GPR89B: variants seen among roughly 807,000 people sequenced by gnomAD.
The protein encoded by GPR89B is golgi pH regulator B, also known as G protein-coupled receptor 89B.
Under a neutral mutation model 52.4 loss-of-function variants are expected in GPR89B, and 25 were observed. That is an observed-to-expected ratio of 0.48 (90% CI 0.35 to 0.67). GPR89B has a LOEUF of 0.67. Among genes scored for constraint, GPR89B ranks in the 30% least tolerant of loss-of-function variants. The probability of loss-of-function intolerance (pLI) is 0.01; values close to 1 mark genes in which losing one functional copy is unlikely to be tolerated. For missense variants in GPR89B, 146 were observed against 450.2 expected (o/e 0.32, Z 6.11); for synonymous variants, 52 against 151.2 (o/e 0.34, Z 4.81).
chr1:148,003,648 A>T, the GPR89B span: 1 of 595,936 alleles, frequency 1.7e-6, no homozygotes, highest in Non-Finnish European at 3.0e-6. Flanking sequence ...CATGTGACAT[A>T]GACGCTGACC....
downstream of GPR89B, among the ~76,000 whole-genome samples, chr1:147,998,491 C>T (rs1435972822): frequency 4.6e-5 from 7 of 151,764 alleles, no homozygotes; most frequent in African/African-American, 1.7e-4. Context: ...TCATTACATG[C>T]AAAAATACGT....
In GPR89B at chr1:147,966,650, A is replaced by T; in HGVS notation, c.714A>T (p.Ala238=). ...WGMIKSVTTS[A]SGSENLTLIQ... is the part of the protein sequence containing the mutation. ...TGATAAAAAGTGTTACCACTTCAGC[A>T]TCAGGAAGTGAAAGTATCCTTTGTC... Residue 238 remains alanine, a synonymous_variant, in exon 8 of 14, where the codon GCA becomes GCT. Coordinates refer to ENST00000314163, the MANE Select transcript of GPR89B (RefSeq NM_016334.5). 3.4e-6 allele frequency: 1 copy of T among 294,696 alleles called. No homozygotes were observed. Among genetic ancestry groups the T allele is most frequent in the South Asian group, 3.5e-5 (1 of 28,500 alleles). The allele number at this position is 294,696 out of a possible 1,614,324, so 18.3% of individuals were successfully genotyped here. A position where few individuals can be genotyped will look rare whatever the true frequency, so the allele number is the denominator to read the frequency against.
the GPR89B span, among the ~76,000 whole-genome samples, chr1:148,023,998 A>G: frequency 6.2e-4 from 91 of 146,994 alleles, 10 homozygotes; most frequent in African/African-American, 2.3e-3. Context: ...GGACTTGGCC[A>G]TAAATTCTTT....
chr1:147,937,798 G>T (rs6666613), intron 2 of GPR89B, among the ~76,000 whole-genome samples: 10 of 152,126 alleles, frequency 6.6e-5, no homozygotes, highest in Admixed American at 3.3e-4. Flanking sequence ...CACATGTTTT[G>T]CAAACAATTT....
At chr1:148,009,386 C>T in the GPR89B span, 1 of 1,612,064 alleles carries the variant, frequency 6.2e-7, no homozygotes, top group South Asian at 1.1e-5. Context: ...CTCCCTCCTT[C>T]ACGAGATAGC....
chr1:148,011,837 A>G, the GPR89B span: 1 of 152,108 alleles, frequency 6.6e-6, no homozygotes, highest in East Asian at 1.9e-4. Context: ...CAAACTCCAG[A>G]ATTTGGGAAC....
At chr1:148,006,964 G>A in the GPR89B span, among the ~76,000 whole-genome samples, 2 of 150,978 alleles carry the variant, frequency 1.3e-5, no homozygotes, top group African/African-American at 2.4e-5. Context: ...TAATCCACTC[G>A]CCTCGCACTC....
chr1:147,984,694 C>T (rs1363774058), intron 10 of GPR89B, among the ~76,000 whole-genome samples: 1 of 148,692 alleles, frequency 6.7e-6, no homozygotes, highest in Non-Finnish European at 1.5e-5. Context: ...CTAGATCTCA[C>T]AAATTTAATG....
the GPR89B span, among the ~76,000 whole-genome samples, chr1:148,015,588 A>T: frequency 1.3e-5 from 2 of 148,530 alleles, no homozygotes; most frequent in South Asian, 4.2e-4. Context: ...TGTTGGGATT[A>T]CAGGCTTGAG....
chr1:147,994,958 T>C (rs1283820006), downstream of GPR89B, among the ~76,000 whole-genome samples: 2 of 152,172 alleles, frequency 1.3e-5, no homozygotes, highest in Non-Finnish European at 2.9e-5. Flanking sequence ...GACCTCAAGT[T>C]CATCCAGGAA....
chr1:147,957,388 T>C (rs1420826053), intron 7 of GPR89B, among the ~76,000 whole-genome samples: 10 of 150,622 alleles, frequency 6.6e-5, no homozygotes, highest in African/African-American at 2.4e-4. Context: ...AAAAACAAGT[T>C]AGAGCCCTTA....
intron 5 of GPR89B, among the ~76,000 whole-genome samples, chr1:147,952,267 A>T (rs1174503110): frequency 6.6e-6 from 1 of 152,018 alleles, no homozygotes; most frequent in Non-Finnish European, 1.5e-5. Flanking sequence ...AAACATGGGC[A>T]CAGGGAAGGC....
the GPR89B span, among the ~76,000 whole-genome samples, chr1:148,012,416 C>T: frequency 1.3e-5 from 2 of 151,822 alleles, no homozygotes; most frequent in African/African-American, 4.9e-5. Flanking sequence ...AAAATTCTGT[C>T]TTTGACTCCC....
At position 147,943,550 on chromosome 1, in the gene GPR89B, T is replaced by C. The variant is rs374512175; in HGVS notation, c.313+6T>C. On this transcript the variant is annotated splice_donor_region_variant and intron_variant, in intron 4 of 13. Transcript: ENST00000314163. ...TGTGAGCAATATCCGACTACGTAAG[T>C]ATTTTACCCTCTCAGTCAGCGTATA... 3 of 1,613,232 alleles carry C rather than the reference T, an allele frequency of 1.9e-6. No individual in the cohort carries two copies. The highest frequency in any genetic ancestry group is 2.5e-6 in the Non-Finnish European group (3 of 1,179,460).
At chr1:147,980,578 A>G (rs1333753378) in intron 10 of GPR89B, among the ~76,000 whole-genome samples, 6 of 142,556 alleles carry the variant, frequency 4.2e-5, no homozygotes, top group Non-Finnish European at 7.5e-5. Flanking sequence ...CATACAATAC[A>G]ATATACTCAT....
downstream of GPR89B, among the ~76,000 whole-genome samples, chr1:147,997,085 A>C (rs1241210361): frequency 6.6e-6 from 1 of 152,224 alleles, no homozygotes; most frequent in Non-Finnish European, 1.5e-5. Context: ...CAAGCTATAC[A>C]TAATCTCCCT....
At chr1:147,949,165 C>T (rs587756284) in intron 5 of GPR89B, among the ~76,000 whole-genome samples, 1 of 152,122 alleles carries the variant, frequency 6.6e-6, no homozygotes, top group East Asian at 1.9e-4. Context: ...TACCTCTTTC[C>T]ACACAGACAT....
chr1:147,978,820 C>T (rs1468787080), intron 10 of GPR89B, among the ~76,000 whole-genome samples: 2 of 151,656 alleles, frequency 1.3e-5, no homozygotes, highest in East Asian at 1.9e-4. Context: ...CTATTCTCCC[C>T]GGCACTGGCA....
At chr1:147,990,861 A>G (rs1282983842) in intron 12 of GPR89B, among the ~76,000 whole-genome samples, 1 of 151,484 alleles carries the variant, frequency 6.6e-6, no homozygotes, top group African/African-American at 2.4e-5. Context: ...GCCTTGTAGT[A>G]TAGCTTGAAG....
Sources: gnomAD v4.1 joint callset for allele counts (sites outside exome capture counted in the v4.1 genomes callset) on GRCh38, gnomAD v4.1.1 for gene constraint, MANE v1.5 for transcripts, NCBI Gene and HGNC (gene_info 2026-07-23, HGNC 2026-07-21) for gene names.